The following WDR70 variants were observed in gnomAD, a reference collection of about 807,000 sequenced individuals.
The protein encoded by WDR70 is WD repeat-containing protein 70.
Under a neutral mutation model 88.6 loss-of-function variants are expected in WDR70, and 53 were observed. The observed-to-expected ratio is 0.60, with a 90% CI of 0.48 to 0.75. The LOEUF (loss-of-function observed/expected upper bound fraction) is 0.75. Among genes scored for constraint, WDR70 ranks in the 30% least tolerant of loss-of-function variants. WDR70 has a pLI of 0.00. For missense variants in WDR70, 610 were observed against 823.2 expected (o/e 0.74, Z 3.17); for synonymous variants, 280 against 270.0 (o/e 1.04, Z -0.36).
intron 8 of WDR70, among the ~76,000 whole-genome samples, chr5:37,513,752 T>C (rs1319254790): frequency 6.6e-6 from 1 of 152,090 alleles, no homozygotes; most frequent in Non-Finnish European, 1.5e-5. Context: ...CAGTCTCTCA[T>C]TTCACATTTT....
intron 8 of WDR70, among the ~76,000 whole-genome samples, chr5:37,492,600 G>A (rs1251969991): frequency 1.3e-5 from 2 of 152,196 alleles, no homozygotes; most frequent in Non-Finnish European, 2.9e-5. Context: ...TATTCTAAGT[G>A]TAGGAGGGAC....
chr5:37,430,883 T>C (rs1312193071), intron 5 of WDR70, among the ~76,000 whole-genome samples: 1 of 152,082 alleles, frequency 6.6e-6, no homozygotes, highest in Admixed American at 6.6e-5. Flanking sequence ...AGTTTTTTTT[T>C]CCTTCTATCG....
At chr5:37,624,581 C>T (rs1258639947) in intron 10 of WDR70, among the ~76,000 whole-genome samples, 1 of 152,044 alleles carries the variant, frequency 6.6e-6, no homozygotes, top group Non-Finnish European at 1.5e-5. Context: ...TTCCCTTGGT[C>T]CCCTGATGTT....
intron 9 of WDR70, among the ~76,000 whole-genome samples, chr5:37,524,421 A>C (rs1226887855): frequency 1.3e-5 from 2 of 152,198 alleles, no homozygotes; most frequent in African/African-American, 2.4e-5. Context: ...TTTACAGACA[A>C]GCAAATGCTG....
rs1471634368 is a variant in WDR70 at position 37,467,563 on chromosome 5, G to A, written c.687-12271G>A. 2.8e-5 allele frequency among the ~76,000 whole-genome samples: 4 copies of A among 142,896 alleles called. No homozygotes were observed. In the Admixed American group the frequency reaches 2.9e-4, roughly 10 times the overall value. 93.7% of individuals were successfully genotyped at this position (142,896 alleles called of 152,430 possible). Reference sequence around the variant, plus strand: ...TTTTTTTTTTTTTTTTTGAGACAGAGTCTTGCTCTGTCACCCAGGCTGGAG... The same window carrying A: ...TTTTTTTTTTTTTTTTTGAGACAGAATCTTGCTCTGTCACCCAGGCTGGAG... On this transcript the variant is annotated intron_variant, in intron 7 of 17. Transcript: ENST00000265107.
At chr5:37,711,573 C>T (rs1199445178) in intron 13 of WDR70, among the ~76,000 whole-genome samples, 1 of 152,168 alleles carries the variant, frequency 6.6e-6, no homozygotes, top group African/African-American at 2.4e-5. Context: ...ACTGTTCAGT[C>T]TTGTCTTTGT....
intron 8 of WDR70, among the ~76,000 whole-genome samples, chr5:37,499,952 A>T (rs981628591): frequency 3.3e-5 from 5 of 152,178 alleles, no homozygotes; most frequent in Admixed American, 1.3e-4. Context: ...AAATATTTTT[A>T]AAAATTTCAA....
intron 9 of WDR70, among the ~76,000 whole-genome samples, chr5:37,583,059 C>T (rs1408159238): frequency 6.6e-6 from 1 of 152,180 alleles, no homozygotes; most frequent in African/African-American, 2.4e-5. Context: ...TGTGCCTTAG[C>T]TGTTGGTGAT....
intron 15 of WDR70, 28 bp from the exon 16 acceptor site, chr5:37,724,906 G>T: frequency 6.3e-7 from 1 of 1,598,422 alleles, no homozygotes; most frequent in Non-Finnish European, 8.6e-7. Context: ...TTGTTATAAT[G>T]AAATTTTTCA....
intron 5 of WDR70, among the ~76,000 whole-genome samples, chr5:37,416,520 C>T (rs187359160): frequency 1.4e-5 from 2 of 145,560 alleles, no homozygotes; most frequent in Non-Finnish European, 3.0e-5. Context: ...AGAGGGAGAT[C>T]GTGGGGAGAG....
chr5:37,417,811 T>G (rs1191960087), intron 5 of WDR70, among the ~76,000 whole-genome samples: 1 of 152,184 alleles, frequency 6.6e-6, no homozygotes, highest in Non-Finnish European at 1.5e-5. Flanking sequence ...CCTCGCAAAG[T>G]CCTGGGATTA....
chr5:37,698,998 A>G (rs1316991189), intron 11 of WDR70, among the ~76,000 whole-genome samples: 2 of 152,168 alleles, frequency 1.3e-5, no homozygotes, highest in Non-Finnish European at 2.9e-5. Context: ...AAAATTCTAT[A>G]TATTCTTTAT....
At chr5:37,669,493 G>C (rs1031345879) in intron 10 of WDR70, among the ~76,000 whole-genome samples, 1 of 152,016 alleles carries the variant, frequency 6.6e-6, no homozygotes, top group South Asian at 2.1e-4. Flanking sequence ...GCTCACTACA[G>C]CCTCAAACTC....
At chr5:37,706,398 A>C (rs150513817) in intron 13 of WDR70, among the ~76,000 whole-genome samples, 2 of 152,148 alleles carry the variant, frequency 1.3e-5, no homozygotes, top group Non-Finnish European at 2.9e-5. Flanking sequence ...CCCAAATCTC[A>C]TCTTGAATTG....
chr5:37,679,287 C>T (rs1282913840), intron 10 of WDR70, among the ~76,000 whole-genome samples: 1 of 152,104 alleles, frequency 6.6e-6, no homozygotes, highest in African/African-American at 2.4e-5. Flanking sequence ...AACTGCATTC[C>T]TTTGGAGGAG....
chr5:37,609,992 G>A (rs1744141236), intron 10 of WDR70, among the ~76,000 whole-genome samples: 1 of 152,094 alleles, frequency 6.6e-6, no homozygotes, highest in Admixed American at 6.5e-5. Flanking sequence ...ATTAATACAT[G>A]TATTCACAGA....
intron 5 of WDR70, among the ~76,000 whole-genome samples, chr5:37,425,526 G>A (rs550944485): frequency 2.0e-5 from 3 of 152,156 alleles, no homozygotes; most frequent in Non-Finnish European, 2.9e-5. Flanking sequence ...TGCCTGGCAC[G>A]TTCATGAAAA....
At chr5:37,647,131 G>C (rs1745262867) in intron 10 of WDR70, among the ~76,000 whole-genome samples, 1 of 151,822 alleles carries the variant, frequency 6.6e-6, no homozygotes, top group Non-Finnish European at 1.5e-5. Flanking sequence ...TCTTCTCCTT[G>C]ATCAGTGCTG....
chr5:37,673,638 C>T (rs1469344418), intron 10 of WDR70, among the ~76,000 whole-genome samples: 1 of 121,506 alleles, frequency 8.2e-6, no homozygotes, highest in African/African-American at 3.1e-5. Context: ...TTCAGGGGTA[C>T]ATGTGCAGGA....
Sources: allele counts gnomAD v4.1 joint callset (sites outside exome capture counted in the v4.1 genomes callset), GRCh38; gene constraint gnomAD v4.1.1; transcripts MANE v1.5; gene names NCBI Gene and HGNC (gene_info 2026-07-23, HGNC 2026-07-21).